Variants in PCDH15 observed in about 807,000 individuals in gnomAD.
PCDH15 encodes the protein protocadherin-15.
PCDH15 carries 129 observed loss-of-function variants against 178.5 expected under a neutral mutation model. The ratio of observed to expected loss-of-function variants is 0.72; its 90% CI spans 0.63 to 0.84. The LOEUF (loss-of-function observed/expected upper bound fraction) is 0.84, where lower values mean the gene tolerates loss of function less well. Ranked by LOEUF, PCDH15 falls within the 40% of genes least tolerant of loss-of-function variation. The pLI is 0.00. For synonymous variants in PCDH15, 800 were observed against 732.0 expected (o/e 1.09, Z -1.50); for missense variants, 2,230 against 2,099.9 (o/e 1.06, Z -1.21).
chr10:54,429,903 C>T (rs188171967), intron 3 of PCDH15, among the ~76,000 whole-genome samples: 13 of 152,100 alleles, frequency 8.5e-5, no homozygotes, highest in African/African-American at 2.9e-4. Context: ...GACTTCAACA[C>T]CCTACTTTCT....
At chr10:55,488,620 A>T (rs1460271801) in intron 2 of PCDH15, among the ~76,000 whole-genome samples, 7 of 151,468 alleles carry the variant, frequency 4.6e-5, no homozygotes, top group Non-Finnish European at 1.0e-4. Flanking sequence ...CCCAATTTGA[A>T]TTTTTTTCCT....
intron 3 of PCDH15, among the ~76,000 whole-genome samples, chr10:54,502,934 T>C (rs2080832046): frequency 2.0e-5 from 3 of 152,162 alleles, no homozygotes; most frequent in Middle Eastern, 3.4e-3. Flanking sequence ...AATAAGTACA[T>C]AATATGCATT....
At chr10:55,101,406 CTT>C (rs5785115) in intron 2 of PCDH15, among the ~76,000 whole-genome samples, 3 of 143,482 alleles carry the variant, frequency 2.1e-5, no homozygotes, top group South Asian at 4.4e-4. Context: ...AAAAAAAAAA[CTT>C]TTTTTTTTTT....
At chr10:55,544,514 C>T in intron 2 of PCDH15, among the ~76,000 whole-genome samples, 1 of 152,044 alleles carries the variant, frequency 6.6e-6, no homozygotes, top group East Asian at 1.9e-4. Context: ...AAGATCATTA[C>T]TTGTTTTATC....
At chr10:55,077,370 T>C (rs1370406850) in intron 2 of PCDH15, among the ~76,000 whole-genome samples, 2 of 151,754 alleles carry the variant, frequency 1.3e-5, no homozygotes, top group Middle Eastern at 3.2e-3. Context: ...ATCTTATTTT[T>C]TTGTCCCTAT....
At chr10:53,842,851 T>A (rs985164070) in intron 28 of PCDH15, among the ~76,000 whole-genome samples, 2 of 152,138 alleles carry the variant, frequency 1.3e-5, no homozygotes, top group African/African-American at 2.4e-5. Flanking sequence ...TGGCTCTCTG[T>A]CCCAATACTT....
At chr10:55,454,443 A>T (rs1445796919) in intron 2 of PCDH15, among the ~76,000 whole-genome samples, 1 of 152,010 alleles carries the variant, frequency 6.6e-6, no homozygotes, top group Non-Finnish European at 1.5e-5. Context: ...ATCCTATGTA[A>T]TTGCCTTTTT....
rs139972913 is a variant in PCDH15 at position 54,862,451 on chromosome 10, G to A, written c.-29+34999C>T. ...ACAATTTTATTTTAGCTGAGAAGGT[G>A]TGAATAGTTTTTATGCCCATTTGAT... On this transcript the variant is annotated intron_variant, in intron 3 of 5. Transcript: ENST00000458638. Among the ~76,000 whole-genome samples the A allele has an allele frequency of 5.4e-3, 815 of 152,278 alleles. 22 individuals carry two copies. Among genetic ancestry groups the A allele is most frequent in the East Asian group, 6.2e-3 (32 of 5,176 alleles).
chr10:55,398,188 T>A lies in PCDH15; in HGVS notation c.-156+229437A>T, dbSNP rs537993722. On this transcript the variant is annotated intron_variant, in intron 2 of 5. Coordinates refer to the PCDH15 transcript ENST00000613346. ...GTTTTACCAAAAAAAAAAAAATCCC[T>A]TAGTGTTTCCCTTCTTTGTTGTAAC... 7.3e-5 allele frequency among the ~76,000 whole-genome samples: 11 copies of A among 150,540 alleles called. No homozygotes were observed. In the South Asian group the frequency reaches 2.3e-3, roughly 32 times the overall value.
At chr10:55,472,071 A>T (rs983580073) in intron 2 of PCDH15, among the ~76,000 whole-genome samples, 1 of 152,024 alleles carries the variant, frequency 6.6e-6, no homozygotes, top group African/African-American at 2.4e-5. Context: ...TGAATTCCAG[A>T]TTTTCATAGT....
intron 3 of PCDH15, among the ~76,000 whole-genome samples, chr10:54,429,112 A>G (rs1474809048): frequency 6.6e-6 from 1 of 152,170 alleles, no homozygotes; most frequent in Non-Finnish European, 1.5e-5. Context: ...AATAATAACT[A>G]CAATAACTTT....
chr10:54,193,688 G>A (rs1168224753), intron 11 of PCDH15, among the ~76,000 whole-genome samples: 2 of 152,054 alleles, frequency 1.3e-5, no homozygotes, highest in African/African-American at 4.8e-5. Context: ...ATGAAACTGT[G>A]TATAGATTAA....
chr10:54,353,652 T>A (rs1011099098), intron 5 of PCDH15, among the ~76,000 whole-genome samples: 2 of 120,480 alleles, frequency 1.7e-5, no homozygotes, highest in Non-Finnish European at 3.2e-5. Flanking sequence ...CAACTTAATG[T>A]TTTTTTTGTT....
At chr10:55,002,504 T>C (rs539958639) in intron 2 of PCDH15, among the ~76,000 whole-genome samples, 31 of 152,394 alleles carry the variant, frequency 2.0e-4, no homozygotes, top group African/African-American at 6.5e-4. Flanking sequence ...ACCACATTAA[T>C]ACAATGTTTT....
At chr10:55,387,393 C>T (rs1837689168) in intron 2 of PCDH15, among the ~76,000 whole-genome samples, 1 of 151,990 alleles carries the variant, frequency 6.6e-6, no homozygotes, top group Admixed American at 6.6e-5. Context: ...ATTGAAGTGA[C>T]ACAAAATATT....
In PCDH15 at chr10:55,255,208, T is replaced by C. The variant is rs1355076582; in HGVS notation, c.-156+64391A>G. Among the ~76,000 whole-genome samples, 3 of 132,746 alleles carry C rather than the reference T, an allele frequency of 2.3e-5. No individual in the cohort carries two copies. In the East Asian group the frequency reaches 7.4e-4, roughly 33 times the overall value. The allele number at this position is 132,746 out of a possible 152,430, so 87.1% of individuals were successfully genotyped here. A position where few individuals can be genotyped will look rare whatever the true frequency, so the allele number is the denominator to read the frequency against. Reference sequence around the variant, plus strand: ...ATGAGTTAGAACATGCGGTGTTTGGTTTTTTGTCCTTGTGATAGTTTGCTG... The same window carrying C: ...ATGAGTTAGAACATGCGGTGTTTGGCTTTTTGTCCTTGTGATAGTTTGCTG... On this transcript the variant is annotated intron_variant, in intron 1 of 5. Coordinates refer to the PCDH15 transcript ENST00000458638.
chr10:55,512,449 G>A (rs1281646689), intron 2 of PCDH15, among the ~76,000 whole-genome samples: 3 of 151,898 alleles, frequency 2.0e-5, no homozygotes, highest in East Asian at 1.9e-4. Flanking sequence ...GTATCATGCC[G>A]TGGGCAAATA....
intron 1 of PCDH15, among the ~76,000 whole-genome samples, chr10:54,683,838 G>T (rs1251000555): frequency 6.6e-6 from 1 of 152,056 alleles, no homozygotes; most frequent in Non-Finnish European, 1.5e-5. Flanking sequence ...AATATTTTGG[G>T]CAGTTTTCTG....
intron 2 of PCDH15, among the ~76,000 whole-genome samples, chr10:55,091,250 CTG>C (rs1241661836): frequency 6.6e-6 from 1 of 151,760 alleles, no homozygotes. Flanking sequence ...TTTAAGTAGA[CTG>C]TAATATATTT....
Sources: gnomAD v4.1 joint callset for allele counts (sites outside exome capture counted in the v4.1 genomes callset) on GRCh38, gnomAD v4.1.1 for gene constraint, MANE v1.5 for transcripts, NCBI Gene and HGNC (gene_info 2026-07-23, HGNC 2026-07-21) for gene names.